Variants in ZFHX3 observed in about 807,000 individuals in gnomAD.
ZFHX3 encodes the protein zinc finger homeobox 3.
Under a neutral mutation model 279.1 loss-of-function variants are expected in ZFHX3, and 42 were observed. That is an observed-to-expected ratio of 0.15 (90% CI 0.12 to 0.19). The LOEUF is 0.19. Among genes scored for constraint, ZFHX3 ranks in the 10% least tolerant of loss-of-function variants. ZFHX3 has a pLI of 1.00. For synonymous variants in ZFHX3, 2,293 were observed against 1,957.8 expected, an observed-to-expected ratio of 1.17 and a Z score of -4.52; for missense variants, 4,981 against 4,754.0, an observed-to-expected ratio of 1.05 and a Z score of -1.40.
rs879285204 is a variant in ZFHX3 at position 73,716,655 on chromosome 16, G to A, written c.-1607-36415C>T. On this transcript the variant is annotated intron_variant, in intron 1 of 17. Transcript: ENST00000641206. ...CACACACACACACACACACACGCAT[G>A]CACGCACGCACAGACCTAACCGCCC... Among the ~76,000 whole-genome samples, 986 of 100,584 alleles carry A rather than the reference G, an allele frequency of 9.8e-3. 6 individuals are homozygous for A. The highest frequency in any genetic ancestry group is 0.015 in the Non-Finnish European group (658 of 43,024). 66.0% of individuals were successfully genotyped at this position (100,584 alleles called of 152,430 possible).
At chr16:73,113,312 C>T (rs1966399209) in intron 7 of ZFHX3, among the ~76,000 whole-genome samples, 1 of 152,090 alleles carries the variant, frequency 6.6e-6, no homozygotes, top group Non-Finnish European at 1.5e-5. Flanking sequence ...TTCACCACGT[C>T]CCAGAGGTCA....
At chr16:73,632,148 G>T (rs1246330298) in intron 2 of ZFHX3, among the ~76,000 whole-genome samples, 1 of 152,108 alleles carries the variant, frequency 6.6e-6, no homozygotes, top group African/African-American at 2.4e-5. Context: ...AAATATAATG[G>T]TCATTTCCTT....
intron 2 of ZFHX3, among the ~76,000 whole-genome samples, chr16:73,530,809 A>G (rs2019787291): frequency 6.6e-6 from 1 of 152,168 alleles, no homozygotes; most frequent in Non-Finnish European, 1.5e-5. Context: ...TTATGAGGTC[A>G]TGCCTGCATT....
intron 1 of ZFHX3, among the ~76,000 whole-genome samples, chr16:73,797,071 C>T (rs1234328185): frequency 6.6e-6 from 1 of 151,906 alleles, no homozygotes; most frequent in Non-Finnish European, 1.5e-5. Context: ...GGCAGGGTGG[C>T]ACATGCCTGT....
At position 72,797,626 on chromosome 16, in the gene ZFHX3, C is replaced by T; in HGVS notation, c.5056G>A (p.Glu1686Lys). The T allele has an allele frequency of 6.2e-7, 1 of 1,614,224 alleles. No homozygotes were observed. Among genetic ancestry groups the T allele is most frequent in the Middle Eastern group, 1.6e-4 (1 of 6,062 alleles). ...SSNLLSQVPT[E>K]SVGMPPLGNP... ...CCCAGGGGTGGCATCCCTACACTCT[C>T]AGTGGGCACTTGGCTTAGTAAGTTA... Residue 1686 changes from glutamate to lysine, a missense_variant, in exon 9 of 10, where the codon GAG becomes AAG. This residue lies in a region of ZFHX3 where 1,751 missense variants were observed against 1,770.0 expected (regional missense o/e 0.99). Transcript: ENST00000268489.
intron 3 of ZFHX3, among the ~76,000 whole-genome samples, chr16:72,915,488 C>T (rs556914232): frequency 1.1e-4 from 16 of 152,306 alleles, no homozygotes; most frequent in South Asian, 8.3e-4. Context: ...ACTGAGGCTA[C>T]GTGCAGTGGC....
chr16:73,094,282 G>T (rs996953490), intron 7 of ZFHX3, among the ~76,000 whole-genome samples: 1 of 152,192 alleles, frequency 6.6e-6, no homozygotes. Flanking sequence ...ACATTTTAGA[G>T]ATCTGAACAG....
At chr16:72,950,207 C>T (rs1174771434) in intron 3 of ZFHX3, among the ~76,000 whole-genome samples, 2 of 152,090 alleles carry the variant, frequency 1.3e-5, no homozygotes, top group Admixed American at 6.5e-5. Flanking sequence ...ACCCTAGAGG[C>T]GCTGTCAACA....
intron 1 of ZFHX3, among the ~76,000 whole-genome samples, chr16:73,016,828 C>T (rs959162143): frequency 6.6e-6 from 1 of 152,050 alleles, no homozygotes; most frequent in Non-Finnish European, 1.5e-5. Flanking sequence ...AGCAGAATCT[C>T]CCCATTACAG....
At chr16:73,815,017 T>C (rs1371486969) in intron 1 of ZFHX3, among the ~76,000 whole-genome samples, 3 of 152,186 alleles carry the variant, frequency 2.0e-5, no homozygotes, top group African/African-American at 4.8e-5. Context: ...TAATCACAAA[T>C]ATTAGGAAAC....
At chr16:73,278,814 G>C (rs965676987) in intron 4 of ZFHX3, among the ~76,000 whole-genome samples, 1 of 152,092 alleles carries the variant, frequency 6.6e-6, no homozygotes, top group African/African-American at 2.4e-5. Context: ...GCTACAGAGC[G>C]CTGATTGGTG....
At chr16:72,941,478 C>G (rs555762725) in intron 3 of ZFHX3, among the ~76,000 whole-genome samples, 1 of 152,130 alleles carries the variant, frequency 6.6e-6, no homozygotes, top group Non-Finnish European at 1.5e-5. Flanking sequence ...AAACAAAACA[C>G]GGGATGCCCA....
chr16:73,262,693 T>C (rs540441470), intron 4 of ZFHX3, among the ~76,000 whole-genome samples: 1 of 152,232 alleles, frequency 6.6e-6, no homozygotes, highest in East Asian at 1.9e-4. Flanking sequence ...GCTCCTCTTA[T>C]CAAGAAAAAG....
At chr16:73,123,786 G>A (rs1381186991) in intron 7 of ZFHX3, among the ~76,000 whole-genome samples, 3 of 152,082 alleles carry the variant, frequency 2.0e-5, no homozygotes, top group African/African-American at 7.2e-5. Context: ...TGAGGGTAGA[G>A]CCCTCCTGAA....
intron 1 of ZFHX3, among the ~76,000 whole-genome samples, chr16:73,694,383 G>A (rs368424851): frequency 4.0e-5 from 6 of 151,656 alleles, no homozygotes; most frequent in South Asian, 2.1e-4. Context: ...TTGCTCTGTC[G>A]CCCAGGCTGG....
chr16:72,970,391 A>G (rs1962051576), intron 1 of ZFHX3, among the ~76,000 whole-genome samples: 1 of 152,162 alleles, frequency 6.6e-6, no homozygotes, highest in Non-Finnish European at 1.5e-5. Flanking sequence ...CTCACACTTG[A>G]GTACGTAAGT....
chr16:73,742,726 A>T (rs185203371), intron 1 of ZFHX3, among the ~76,000 whole-genome samples: 19 of 152,310 alleles, frequency 1.2e-4, no homozygotes, highest in African/African-American at 4.1e-4. Flanking sequence ...ATTATTTGGG[A>T]AGAATCAGGG....
chr16:72,799,944 G>C (rs186485030), intron 8 of ZFHX3, 83 bp downstream of exon 8: 146 of 1,276,156 alleles, frequency 1.1e-4, no homozygotes, highest in Non-Finnish European at 1.5e-4. Context: ...GTATTGTAAA[G>C]AATTCCTGAA....
intron 7 of ZFHX3, among the ~76,000 whole-genome samples, chr16:72,805,189 C>T (rs569248080): frequency 3.9e-5 from 6 of 152,016 alleles, no homozygotes; most frequent in Middle Eastern, 3.4e-3. Context: ...ACCATGTTGG[C>T]CAGGCTGGTC....
Sources: gnomAD v4.1 joint callset for allele counts (sites outside exome capture counted in the v4.1 genomes callset) on GRCh38, gnomAD v4.1.1 for gene constraint, gnomAD v4.1.1 regional missense constraint, MANE v1.5 for transcripts, NCBI Gene and HGNC (gene_info 2026-07-23, HGNC 2026-07-21) for gene names.